UNC5D: variants seen among roughly 807,000 people sequenced by gnomAD.
UNC5D encodes the protein netrin receptor UNC5D.
Under a neutral mutation model 105.4 loss-of-function variants are expected in UNC5D, and 39 were observed. That is an observed-to-expected ratio of 0.37 (90% CI 0.29 to 0.48). The LOEUF is 0.48. Ranked by LOEUF, UNC5D falls within the 20% of genes least tolerant of loss-of-function variation. The pLI is 0.98. For missense variants in UNC5D, 991 were observed against 1,202.4 expected (o/e 0.82, Z 2.60); for synonymous variants, 452 against 450.4 (o/e 1.00, Z -0.04).
chr8:35,483,009 G>C (rs1305042382), intron 1 of UNC5D, among the ~76,000 whole-genome samples: 1 of 151,740 alleles, frequency 6.6e-6, no homozygotes, highest in Non-Finnish European at 1.5e-5. Context: ...CACCATGTTG[G>C]CCAGGCTGGT....
chr8:35,592,923 C>A (rs1563568516), intron 3 of UNC5D, among the ~76,000 whole-genome samples: 1 of 151,972 alleles, frequency 6.6e-6, no homozygotes, highest in Non-Finnish European at 1.5e-5. Context: ...TTGGAAAGAG[C>A]AGCAGGTTGG....
intron 4 of UNC5D, among the ~76,000 whole-genome samples, chr8:35,636,932 C>T (rs1367235210): frequency 6.6e-6 from 1 of 152,186 alleles, no homozygotes; most frequent in Non-Finnish European, 1.5e-5. Flanking sequence ...ACCAGGACTT[C>T]GAGTCTGCCT....
intron 4 of UNC5D, among the ~76,000 whole-genome samples, chr8:35,610,088 G>T (rs1820572832): frequency 6.6e-6 from 1 of 151,788 alleles, no homozygotes; most frequent in South Asian, 2.1e-4. Flanking sequence ...AGGTACTATG[G>T]TAGGTGGTTT....
chr8:35,241,707 G>A (rs749553620), intron 1 of UNC5D, among the ~76,000 whole-genome samples: 7 of 150,250 alleles, frequency 4.7e-5, no homozygotes, highest in African/African-American at 7.3e-5. Context: ...TAAAATTGAC[G>A]CATAGTACAT....
intron 14 of UNC5D, among the ~76,000 whole-genome samples, chr8:35,765,519 C>T (rs1417585621): frequency 6.6e-6 from 1 of 152,186 alleles, no homozygotes; most frequent in African/African-American, 2.4e-5. Flanking sequence ...ATTTCATACT[C>T]CCTTAAAGCT....
rs4739305 is a variant in UNC5D, at chr8:35,535,451, T to A, written c.104-13841T>A. Among the ~76,000 whole-genome samples, 17 of 114,032 alleles carry A rather than the reference T, an allele frequency of 1.5e-4. 1 individual carries two copies. Among genetic ancestry groups the A allele is most frequent in the East Asian group, 6.9e-4 (2 of 2,880 alleles). The allele number at this position is 114,032 out of a possible 152,430, so 74.8% of individuals were successfully genotyped here. A position where few individuals can be genotyped will look rare whatever the true frequency, so the allele number is the denominator to read the frequency against. ...TTGTTGTTGCTGTTTTTTTTTTTAA[T>A]TTTTTTTTTAAGCTCCGTAAGTCAA... On this transcript the variant is annotated intron_variant, in intron 1 of 16. Transcript: ENST00000404895.
At chr8:35,590,132 G>T (rs962764127) in intron 3 of UNC5D, among the ~76,000 whole-genome samples, 1 of 151,764 alleles carries the variant, frequency 6.6e-6, no homozygotes, top group Non-Finnish European at 1.5e-5. Context: ...TTTGTTTCAC[G>T]TCCCTTCGCC....
intron 1 of UNC5D, among the ~76,000 whole-genome samples, chr8:35,350,275 C>T (rs1046457443): frequency 3.3e-5 from 5 of 151,804 alleles, no homozygotes; most frequent in African/African-American, 9.7e-5. Context: ...CAAATTGTAG[C>T]ATAGTCATTT....
At chr8:35,235,990 T>G (rs1802432279) in intron 1 of UNC5D, 103 bp downstream of exon 1, 1 of 1,037,378 alleles carries the variant, frequency 9.6e-7, no homozygotes, top group Non-Finnish European at 1.2e-6. Flanking sequence ...ACTTGCGCCC[T>G]GCACCTCGGC....
intron 1 of UNC5D, among the ~76,000 whole-genome samples, chr8:35,522,630 G>C (rs1813567452): frequency 6.6e-6 from 1 of 152,170 alleles, no homozygotes; most frequent in African/African-American, 2.4e-5. Flanking sequence ...CTTAAGAGCT[G>C]TGTTTCTAGA....
At chr8:35,713,562 T>G (rs1189171371) in intron 8 of UNC5D, among the ~76,000 whole-genome samples, 2 of 152,232 alleles carry the variant, frequency 1.3e-5, no homozygotes, top group Non-Finnish European at 2.9e-5. Context: ...GAAATACTTG[T>G]GCTAAAGCTA....
At chr8:35,680,325 A>T (rs1432991561) in intron 4 of UNC5D, among the ~76,000 whole-genome samples, 1 of 152,188 alleles carries the variant, frequency 6.6e-6, no homozygotes, top group Non-Finnish European at 1.5e-5. Flanking sequence ...GGTAGGAAAC[A>T]TATTGCTCTA....
intron 1 of UNC5D, among the ~76,000 whole-genome samples, chr8:35,399,847 C>T (rs1367068295): frequency 6.6e-6 from 1 of 151,714 alleles, no homozygotes; most frequent in African/African-American, 2.4e-5. Context: ...TTTCTGAAGC[C>T]CCTGTGGCCA....
At chr8:35,488,504 C>A (rs1810976436) in intron 1 of UNC5D, among the ~76,000 whole-genome samples, 1 of 152,162 alleles carries the variant, frequency 6.6e-6, no homozygotes, top group Non-Finnish European at 1.5e-5. Flanking sequence ...GTCCGGGTTG[C>A]CTCTGAGGGC....
chr8:35,316,502 C>T (rs1281336467), intron 1 of UNC5D, among the ~76,000 whole-genome samples: 1 of 152,170 alleles, frequency 6.6e-6, no homozygotes, highest in Non-Finnish European at 1.5e-5. Context: ...GATTGTCCAT[C>T]TGCCAAACTA....
intron 10 of UNC5D, among the ~76,000 whole-genome samples, chr8:35,729,663 T>G (rs1436611): frequency 0.096 from 14,571 of 151,928 alleles, 2,016 homozygotes; most frequent in African/African-American, 0.31. Flanking sequence ...AGCAGGGAGG[T>G]TTATAATGGA....
chr8:35,397,751 A>G (rs1238414711), intron 1 of UNC5D, among the ~76,000 whole-genome samples: 2 of 152,130 alleles, frequency 1.3e-5, no homozygotes, highest in African/African-American at 2.4e-5. Context: ...GGTTGCTGCA[A>G]TAGCGTCCAA....
Position 35,683,327 on chromosome 8 carries a change from C to A in UNC5D, c.571-220C>A, listed in dbSNP as rs554835442. Among the ~76,000 whole-genome samples the A allele has an allele frequency of 2.6e-5, 4 of 152,262 alleles. No individual in the cohort carries two copies. In the South Asian group the frequency reaches 8.3e-4, roughly 32 times the overall value. On this transcript the variant is annotated intron_variant, in intron 4 of 16. Transcript: ENST00000404895. ...AAAGTCAATGTAGGATATTTGTGTT[C>A]TTTTCCTGCTCCCAACTTATTAGCT...
chr8:35,423,042 T>C (rs1180136831), intron 1 of UNC5D, among the ~76,000 whole-genome samples: 1 of 152,192 alleles, frequency 6.6e-6, no homozygotes, highest in Non-Finnish European at 1.5e-5. Flanking sequence ...TTTGTACTTG[T>C]CCTCCAGTAC....
Sources: allele counts gnomAD v4.1 joint callset (sites outside exome capture counted in the v4.1 genomes callset), GRCh38; gene constraint gnomAD v4.1.1; transcripts MANE v1.5; gene names NCBI Gene and HGNC (gene_info 2026-07-23, HGNC 2026-07-21).